ATR: variants seen among roughly 807,000 people sequenced by gnomAD.
The protein encoded by ATR is serine/threonine-protein kinase ATR.
Under a neutral mutation model 305.3 loss-of-function variants are expected in ATR, and 142 were observed. The ratio of observed to expected loss-of-function variants is 0.47; its 90% confidence interval spans 0.41 to 0.53. The LOEUF is 0.53. ATR is among the 20% of genes least tolerant of loss of function. The probability of loss-of-function intolerance (pLI) is 0.00; values close to 1 mark genes in which losing one functional copy is unlikely to be tolerated. For missense variants in ATR, 2,135 were observed against 3,133.1 expected, an observed-to-expected ratio of 0.68 and a Z score of 7.60; for synonymous variants, 1,050 against 1,068.1, an observed-to-expected ratio of 0.98 and a Z score of 0.33.
In ATR at chr3:142,470,140, G is replaced by A. The variant is rs1158115459; in HGVS notation, c.6265C>T (p.Arg2089Ter). Residue 2089 changes from arginine to a stop codon, truncating the protein, a stop_gained, in exon 37 of 47, where the codon CGA (arginine) becomes TGA (stop). Transcript: ENST00000350721. LOFTEE classifies it high-confidence loss of function. ...TAATCAAGCCATAGAGTTAACATTC[G>A]TGGCATTGACTGATATATGAACTGA... ...GNQFIYQSMP[R>*]MLTLWLDYGT... 1.2e-6 allele frequency: 2 copies of A among 1,610,754 alleles called. No homozygotes were observed. The highest frequency in any genetic ancestry group is 2.2e-5 in the South Asian group (2 of 90,958).
intron 27 of ATR, 35 bp from the exon 28 acceptor site, chr3:142,508,144 TATAAG>T (rs34631988): frequency 5.8e-6 from 9 of 1,553,428 alleles, no homozygotes; most frequent in African/African-American, 2.8e-5. Flanking sequence ...ATTAAAGACT[TATAAG>T]ATAAAATTTA....
At chr3:142,454,720 C>A (rs577692059) in intron 45 of ATR, among the ~76,000 whole-genome samples, 1 of 152,076 alleles carries the variant, frequency 6.6e-6, no homozygotes, top group East Asian at 1.9e-4. Context: ...GGATTACAGG[C>A]GTGAGCCACC....
At chr3:142,550,058 A>T in intron 14 of ATR, 74 bp downstream of exon 14, 1 of 1,565,348 alleles carries the variant, frequency 6.4e-7, no homozygotes, top group Non-Finnish European at 8.8e-7. Context: ...ATCTCATATC[A>T]AAGTCAAAAT....
Position 142,505,252 on chromosome 3 carries a change from T to C in ATR, c.5083A>G (p.Ile1695Val). Residue 1695 changes from isoleucine (I) to valine (V), a missense_variant, in exon 29 of 47, where the codon ATT becomes GTT. Physicochemically the swap from Ile to Val is conservative, Grantham distance 29. Around this residue, in one of 9 missense-constraint regions of ATR, gnomAD observed 45 missense variants for 80.4 expected, o/e 0.56. Transcript: ENST00000350721. Reference sequence around the variant, plus strand: ...TTTAGAGATGGTTCTGCCTTTCTAATTGCACTGACTCCGGCCACTCCATCA... The same window carrying C: ...TTTAGAGATGGTTCTGCCTTTCTAACTGCACTGACTCCGGCCACTCCATCA... ...EPDGVAGVSA[I>V]RKAEPSLKEQ... 1.2e-6 allele frequency: 2 copies of C among 1,614,084 alleles called. No individual in the cohort carries two copies. Among genetic ancestry groups the C allele is most frequent in the Non-Finnish European group, 1.7e-6 (2 of 1,179,998 alleles).
intron 13 of ATR, 67 bp downstream of exon 13, chr3:142,553,160 T>G: frequency 6.5e-7 from 1 of 1,537,316 alleles, no homozygotes; most frequent in Non-Finnish European, 8.9e-7. Flanking sequence ...GTATAAATAT[T>G]CTTCTTTTTT....
chr3:142,536,061 A>C, intron 20 of ATR, 47 bp downstream of exon 20: 1 of 1,302,200 alleles, frequency 7.7e-7, no homozygotes, highest in South Asian at 1.2e-5. Context: ...ACTTGGGAAC[A>C]ATTCTGTATT....
chr3:142,502,895 T>C (rs576152060), intron 30 of ATR, among the ~76,000 whole-genome samples: 2 of 152,352 alleles, frequency 1.3e-5, no homozygotes, highest in Admixed American at 1.3e-4. Context: ...ATTTTTTGTT[T>C]AATTTGATTT....
At chr3:142,525,613 AGGTGTTTG>A (rs1331276508) in intron 21 of ATR, among the ~76,000 whole-genome samples, 1 of 152,154 alleles carries the variant, frequency 6.6e-6, no homozygotes, top group African/African-American at 2.4e-5. Context: ...ATCTGGTGGC[AGGTGTTTG>A]GGTCACATGG....
In ATR at chr3:142,466,313, C is replaced by G. The variant is rs1287875014; in HGVS notation, c.6897+11G>C. 5.6e-6 allele frequency: 9 copies of G among 1,607,752 alleles called. No homozygotes were observed. The highest frequency in any genetic ancestry group is 1.1e-5 in the South Asian group (1 of 90,944). On this transcript the variant is annotated intron_variant, in intron 40 of 46. Coordinates refer to ENST00000350721, the MANE Select transcript of ATR (RefSeq NM_001184.4). ...ATTTTAAAATCATAGTCATATAAAA[C>G]TGAAGTTTACCATATCATCAAACCC...
intron 37 of ATR, 66 bp downstream of exon 37, chr3:142,470,020 C>G (rs2071223258): frequency 3.5e-5 from 46 of 1,318,312 alleles, no homozygotes; most frequent in Non-Finnish European, 4.6e-5. Flanking sequence ...ACTGTCCAGC[C>G]AAATCTGACT....
chr3:142,546,157 G>A (rs1471204010), intron 16 of ATR, among the ~76,000 whole-genome samples: 1 of 152,126 alleles, frequency 6.6e-6, no homozygotes, highest in Non-Finnish European at 1.5e-5. Flanking sequence ...GGAGGAGAGA[G>A]TATGGTATTC....
chr3:142,551,849 C>T (rs2034480462), intron 13 of ATR, among the ~76,000 whole-genome samples: 1 of 152,106 alleles, frequency 6.6e-6, no homozygotes, highest in Non-Finnish European at 1.5e-5. Context: ...AGAGCTTCTG[C>T]ACAGCAAAAT....
At chr3:142,556,976 G>T (rs929944657) in intron 8 of ATR, among the ~76,000 whole-genome samples, 26 of 152,148 alleles carry the variant, frequency 1.7e-4, no homozygotes, top group African/African-American at 6.0e-4. Context: ...TATCTTTGGA[G>T]AACAATACAG....
At position 142,562,439 on chromosome 3, in the gene ATR, C is replaced by T. The variant is rs192883042; in HGVS notation, c.963G>A (p.Leu321=). 1.2e-6 allele frequency: 2 copies of T among 1,614,106 alleles called. No homozygotes were observed. The highest frequency in any genetic ancestry group is 1.6e-4 in the Middle Eastern group (1 of 6,062). The change falls in exon 4 of 47, where the codon CTG becomes CTA. Residue 321 remains leucine (L), a synonymous_variant. Coordinates refer to ENST00000350721, the MANE Select transcript of ATR (RefSeq NM_001184.4). ...CAAACATGACACAGAGTTTTTCCAG[C>T]AGCATATTTAAATAGACAGGTTCAA... ...RNIEPVYLNM[L]LEKLCVMFED...
At chr3:142,541,417 G>A (rs2034048838) in intron 17 of ATR, among the ~76,000 whole-genome samples, 2 of 152,064 alleles carry the variant, frequency 1.3e-5, no homozygotes, top group South Asian at 2.1e-4. Context: ...ATTTAAATTT[G>A]AGACCATATA....
chr3:142,455,746 TA>T (rs1421429646), intron 45 of ATR, among the ~76,000 whole-genome samples: 1 of 152,174 alleles, frequency 6.6e-6, no homozygotes, highest in East Asian at 1.9e-4. Context: ...TGAAGACAGA[TA>T]AAAGATTTAA....
Position 142,561,350 on chromosome 3 carries a change from T to C in ATR, c.1242A>G (p.Gln414=). 6 of 1,614,090 alleles carry C rather than the reference T, an allele frequency of 3.7e-6. No homozygotes were observed. The highest frequency in any genetic ancestry group is 1.1e-5 in the South Asian group (1 of 91,082). The change falls in exon 5 of 47, where the codon CAA becomes CAG. Residue 414 remains glutamine, a synonymous_variant. Coordinates refer to ENST00000350721, the MANE Select transcript of ATR (RefSeq NM_001184.4). ...SMEIIEEIQC[Q]TQQENLSSNS... ...TACTGCTGAGGTTTTCCTGTTGAGT[T>C]TGGCATTGAATCTCCTCAATGATTT...
chr3:142,524,116 G>A lies in ATR; in HGVS notation c.4029C>T (p.Cys1343=), dbSNP rs2108399593. 1 of 1,613,980 alleles carries A rather than the reference G, an allele frequency of 6.2e-7. No individual in the cohort carries two copies. ...SQLVTVLLKG[C]QDANSQARLL... is the part of the protein sequence containing the mutation. ...ACCGAGCTTGAGAGTTTGCATCTTG[G>A]CAACCTTTCAAAAGCACTGTCACCA... Residue 1343 remains cysteine (C), a synonymous_variant, in exon 22 of 47, where the codon TGC becomes TGT. Transcript: ENST00000350721.
At chr3:142,564,719 C>T (rs1182308846) in intron 3 of ATR, among the ~76,000 whole-genome samples, 3 of 151,978 alleles carry the variant, frequency 2.0e-5, no homozygotes, top group Non-Finnish European at 2.9e-5. Context: ...TTAAATAGTA[C>T]TTACTCTTAT....
Sources: gnomAD v4.1 joint callset for allele counts (sites outside exome capture counted in the v4.1 genomes callset) on GRCh38, gnomAD v4.1.1 for gene constraint, gnomAD v4.1.1 regional missense constraint, MANE v1.5 for transcripts, NCBI Gene and HGNC (gene_info 2026-07-23, HGNC 2026-07-21) for gene names.